The following TIPARP variants were observed in gnomAD, a reference collection of about 807,000 sequenced individuals.
TIPARP encodes the protein TCDD inducible poly(ADP-ribose) polymerase, also known as protein mono-ADP-ribosyltransferase TIPARP.
TIPARP carries 12 observed loss-of-function variants against 56.5 expected under a neutral mutation model. The observed-to-expected ratio is 0.21, with a 90% CI of 0.14 to 0.34. The LOEUF (loss-of-function observed/expected upper bound fraction) is 0.34. Among genes scored for constraint, TIPARP ranks in the 10% least tolerant of loss-of-function variants. The pLI is 1.00. For synonymous variants in TIPARP, 296 were observed against 265.7 expected (o/e 1.11, Z -1.11); for missense variants, 604 against 781.6 (o/e 0.77, Z 2.71).
chr3:156,688,934 T>C (rs968276101), intron 2 of TIPARP, among the ~76,000 whole-genome samples: 12 of 152,190 alleles, frequency 7.9e-5, no homozygotes, highest in African/African-American at 2.9e-4. Context: ...ATTTTCACTT[T>C]ACATCATAAT....
At chr3:156,691,615 T>G (rs1453863347) in intron 2 of TIPARP, among the ~76,000 whole-genome samples, 1 of 152,124 alleles carries the variant, frequency 6.6e-6, no homozygotes, top group East Asian at 1.9e-4. Context: ...CTGTTGAACA[T>G]TTGGCACCCA....
intron 2 of TIPARP, among the ~76,000 whole-genome samples, chr3:156,690,388 T>C (rs1469088075): frequency 6.6e-6 from 1 of 152,160 alleles, no homozygotes; most frequent in Admixed American, 6.5e-5. Context: ...ATGTGGGTGT[T>C]GGTGCTCTAT....
intron 4 of TIPARP, among the ~76,000 whole-genome samples, chr3:156,702,801 T>A (rs1007485458): frequency 4.6e-5 from 7 of 152,240 alleles, no homozygotes; most frequent in Admixed American, 3.3e-4. Context: ...CTAGAGTTTA[T>A]AGTAATTAGC....
At chr3:156,685,194 T>C (rs1170915775) in intron 2 of TIPARP, among the ~76,000 whole-genome samples, 1 of 152,234 alleles carries the variant, frequency 6.6e-6, no homozygotes. Flanking sequence ...CTTAGCTAGT[T>C]ACTGTTACTA....
rs1329942924 is a variant in TIPARP at position 156,706,001 on chromosome 3, A to G, written c.*870A>G. 1 of 152,658 alleles carries G rather than the reference A, an allele frequency of 6.6e-6. No individual in the cohort carries two copies. Among genetic ancestry groups the G allele is most frequent in the African/African-American group, 2.4e-5 (1 of 41,454 alleles). The allele number at this position is 152,658 out of a possible 1,614,324, so 9.5% of individuals were successfully genotyped here. On this transcript the variant is annotated 3_prime_UTR_variant, in exon 6 of 6. Coordinates refer to ENST00000295924, the MANE Select transcript of TIPARP (RefSeq NM_015508.5). The stretch of plus-strand genomic sequence containing the variant: ...TAGCTTGTGACTGAAAGTTTTAGAA[A>G]AAGGAAGTACATCTATAGCCAAATT...
At chr3:156,683,351 G>A (rs1026562196) in intron 2 of TIPARP, among the ~76,000 whole-genome samples, 1 of 152,118 alleles carries the variant, frequency 6.6e-6, no homozygotes, top group African/African-American at 2.4e-5. Context: ...AATTCTTGGA[G>A]ACCAGAAGTG....
chr3:156,694,296 A>G (rs576169978), intron 3 of TIPARP, 108 bp downstream of exon 3: 2 of 942,724 alleles, frequency 2.1e-6, no homozygotes, highest in South Asian at 2.6e-5. Context: ...CTATGCATAT[A>G]ATCAAACAGC....
At chr3:156,685,795 G>T (rs1312675167) in intron 2 of TIPARP, among the ~76,000 whole-genome samples, 1 of 152,226 alleles carries the variant, frequency 6.6e-6, no homozygotes, top group Non-Finnish European at 1.5e-5. Flanking sequence ...TGAACAGTCA[G>T]TGAAGAATGG....
intron 4 of TIPARP, among the ~76,000 whole-genome samples, chr3:156,696,406 G>A (rs1271435889): frequency 6.6e-6 from 1 of 152,208 alleles, no homozygotes; most frequent in Non-Finnish European, 1.5e-5. Flanking sequence ...GCCGGGGCAA[G>A]TGAGGAGAGT....
chr3:156,698,085 T>G (rs1722761244), intron 4 of TIPARP, among the ~76,000 whole-genome samples: 1 of 152,228 alleles, frequency 6.6e-6, no homozygotes, highest in Admixed American at 6.5e-5. Flanking sequence ...GCTACAACAT[T>G]CCCTTAAGCC....
intron 5 of TIPARP, among the ~76,000 whole-genome samples, chr3:156,704,179 A>G (rs949601953): frequency 6.6e-6 from 1 of 152,204 alleles, no homozygotes; most frequent in African/African-American, 2.4e-5. Context: ...TACAATTTAT[A>G]TCCTACAGAG....
chr3:156,682,676 G>T (rs1328572927), intron 2 of TIPARP, among the ~76,000 whole-genome samples: 1 of 152,220 alleles, frequency 6.6e-6, no homozygotes, highest in African/African-American at 2.4e-5. Context: ...CAGCTGTGAT[G>T]ATGTATGAAC....
At chr3:156,695,779 T>G in intron 3 of TIPARP, 86 bp from the exon 4 acceptor site, 1 of 1,453,618 alleles carries the variant, frequency 6.9e-7, no homozygotes, top group East Asian at 2.5e-5. Flanking sequence ...TGAGGTTAAC[T>G]TTTGCCTTTG....
At chr3:156,688,898 C>T (rs1255005921) in intron 2 of TIPARP, among the ~76,000 whole-genome samples, 3 of 152,160 alleles carry the variant, frequency 2.0e-5, no homozygotes, top group Non-Finnish European at 4.4e-5. Flanking sequence ...ATCTTTCTAT[C>T]ATTATGACCC....
intron 3 of TIPARP, among the ~76,000 whole-genome samples, 175 bp downstream of exon 3, chr3:156,694,363 AATTT>A (rs1722656754): frequency 1.3e-5 from 2 of 152,208 alleles, no homozygotes; most frequent in African/African-American, 4.8e-5. Context: ...TTTTTCTTAA[AATTT>A]ATTTCTTTCC....
At chr3:156,690,534 G>A (rs1722544394) in intron 2 of TIPARP, among the ~76,000 whole-genome samples, 2 of 152,140 alleles carry the variant, frequency 1.3e-5, no homozygotes, top group Non-Finnish European at 2.9e-5. Context: ...AATTAGTGTT[G>A]TATATGGATT....
intron 1 of TIPARP, chr3:156,675,208 C>T (rs1393877967): frequency 1.3e-5 from 2 of 152,232 alleles, no homozygotes; most frequent in African/African-American, 4.8e-5. Flanking sequence ...CTACGGGAGC[C>T]TTCCGGCTAC....
chr3:156,687,613 A>G (rs115556934), intron 2 of TIPARP, among the ~76,000 whole-genome samples: 15 of 152,176 alleles, frequency 9.9e-5, no homozygotes, highest in Admixed American at 9.8e-4. Context: ...ATGTCTTAGT[A>G]TCAGTGTGTT....
intron 2 of TIPARP, among the ~76,000 whole-genome samples, chr3:156,688,583 G>A (rs1228548732): frequency 6.6e-6 from 1 of 151,494 alleles, no homozygotes; most frequent in African/African-American, 2.4e-5. Context: ...TTCTAAAGAA[G>A]AAAGTTACGA....
Sources: gnomAD v4.1 joint callset for allele counts (sites outside exome capture counted in the v4.1 genomes callset) on GRCh38, gnomAD v4.1.1 for gene constraint, MANE v1.5 for transcripts, NCBI Gene and HGNC (gene_info 2026-07-23, HGNC 2026-07-21) for gene names.